The following ZSWIM6 variants were observed in gnomAD, a reference collection of about 807,000 sequenced individuals.
The protein encoded by ZSWIM6 is zinc finger SWIM-type containing 6, also known as zinc finger SWIM domain-containing protein 6.
A neutral mutation model predicts 113.2 loss-of-function variants in ZSWIM6; 9 were observed. That is an observed-to-expected ratio of 0.08 (90% CI 0.05 to 0.14). ZSWIM6 has a LOEUF of 0.14. ZSWIM6 is among the 10% of genes least tolerant of loss of function. The pLI is 1.00. For synonymous variants in ZSWIM6, 611 were observed against 606.5 expected (o/e 1.01, Z -0.11); for missense variants, 1,162 against 1,552.2 (o/e 0.75, Z 4.22).
In ZSWIM6 at chr5:61,375,419, G is replaced by A. The variant is rs1450611071; in HGVS notation, c.676+42471G>A. 2.7e-6 allele frequency: 4 copies of A among 1,508,826 alleles called. No individual in the cohort carries two copies. In the African/African-American group the frequency reaches 4.1e-5, roughly 16 times the overall value. The allele number at this position is 1,508,826 out of a possible 1,614,324, so 93.5% of individuals were successfully genotyped here. A position where few individuals can be genotyped will look rare whatever the true frequency, so the allele number is the denominator to read the frequency against. ...AAAAAAGAAAAGAAGAAATCTGGTA[G>A]GTATTCATCTTCTTCTTCATCAAGC... On this transcript the variant is annotated intron_variant, in intron 1 of 13. Coordinates refer to ENST00000252744, the MANE Select transcript of ZSWIM6 (RefSeq NM_020928.2).
At chr5:61,479,847 G>A (rs1243906236) in intron 2 of ZSWIM6, among the ~76,000 whole-genome samples, 2 of 152,084 alleles carry the variant, frequency 1.3e-5, no homozygotes, top group Admixed American at 1.3e-4. Flanking sequence ...CATCATCATT[G>A]TGATGTGGCA....
chr5:61,428,315 G>A (rs563103683), intron 1 of ZSWIM6, among the ~76,000 whole-genome samples: 17 of 152,220 alleles, frequency 1.1e-4, no homozygotes, highest in South Asian at 4.1e-4. Context: ...ACTGAAGTCC[G>A]TGCTCTAGTA....
intron 1 of ZSWIM6, among the ~76,000 whole-genome samples, chr5:61,339,743 C>A (rs2112024865): frequency 6.6e-6 from 1 of 152,320 alleles, no homozygotes; most frequent in East Asian, 1.9e-4. Context: ...ATGAAACCCA[C>A]AAAACCGTTT....
chr5:61,348,945 CA>C (rs1299179773), intron 1 of ZSWIM6, among the ~76,000 whole-genome samples: 2 of 152,132 alleles, frequency 1.3e-5, no homozygotes, highest in African/African-American at 4.8e-5. Flanking sequence ...AATTTGAGAA[CA>C]CAGCTGTGGA....
intron 1 of ZSWIM6, chr5:61,390,829 A>G: frequency 4.9e-6 from 4 of 808,718 alleles, no homozygotes; most frequent in South Asian, 2.7e-5. Context: ...GGCACTGGCA[A>G]GGACTTGTGA....
intron 5 of ZSWIM6, among the ~76,000 whole-genome samples, chr5:61,522,764 A>G (rs1237952114): frequency 1.3e-5 from 2 of 152,218 alleles, no homozygotes; most frequent in East Asian, 3.8e-4. Context: ...TAATTGTTCA[A>G]CATTTATTCT....
intron 1 of ZSWIM6, among the ~76,000 whole-genome samples, chr5:61,342,529 G>A (rs1465283176): frequency 6.6e-6 from 1 of 152,276 alleles, no homozygotes; most frequent in Non-Finnish European, 1.5e-5. Context: ...GACACATGCA[G>A]CCTCTTTGGT....
intron 1 of ZSWIM6, among the ~76,000 whole-genome samples, chr5:61,389,215 T>G (rs1370684073): frequency 1.3e-5 from 2 of 152,140 alleles, no homozygotes; most frequent in Non-Finnish European, 2.9e-5. Context: ...GTACCACATT[T>G]GTATCCTGAA....
In ZSWIM6 at chr5:61,501,226, C is replaced by T. The variant is rs151322924; in HGVS notation, c.1333+6816C>T. Among the ~76,000 whole-genome samples the T allele has an allele frequency of 1.0e-3, 156 of 152,290 alleles. 3 individuals carry two copies. The East Asian group carries it at 0.026, about 25-fold the overall frequency. ...TTCTTGGGTCATAGACCTCGGAGTTCTGCCCTGCTGTGGGGGTGGAAAAGA... is the reference window on the plus strand; with the variant it reads ...TTCTTGGGTCATAGACCTCGGAGTTTTGCCCTGCTGTGGGGGTGGAAAAGA... On this transcript the variant is annotated intron_variant, in intron 4 of 13. Coordinates refer to ENST00000252744, the MANE Select transcript of ZSWIM6 (RefSeq NM_020928.2).
At chr5:61,535,185 C>T (rs1038168494) in intron 9 of ZSWIM6, among the ~76,000 whole-genome samples, 7 of 152,136 alleles carry the variant, frequency 4.6e-5, no homozygotes, top group African/African-American at 9.7e-5. Flanking sequence ...CAAGGTTTTA[C>T]GCTATAGAGG....
chr5:61,415,160 G>A (rs1746221377), intron 1 of ZSWIM6, among the ~76,000 whole-genome samples: 2 of 152,338 alleles, frequency 1.3e-5, no homozygotes, highest in African/African-American at 4.8e-5. Flanking sequence ...TTTCGGGAAT[G>A]TGGTGGAGTT....
At chr5:61,457,428 G>T (rs1425314955) in intron 1 of ZSWIM6, among the ~76,000 whole-genome samples, 1 of 151,962 alleles carries the variant, frequency 6.6e-6, no homozygotes, top group Admixed American at 6.6e-5. Flanking sequence ...TTCCTTGACT[G>T]TATATCCAAT....
chr5:61,465,505 TGA>T (rs1332253398), intron 1 of ZSWIM6, among the ~76,000 whole-genome samples: 2 of 151,948 alleles, frequency 1.3e-5, no homozygotes, highest in Non-Finnish European at 2.9e-5. Flanking sequence ...AATTAGTGGA[TGA>T]GAGTCTTATT....
In ZSWIM6 at chr5:61,458,510, G is replaced by A. The variant is rs985418661; in HGVS notation, c.677-14171G>A. Among the ~76,000 whole-genome samples, 15 of 152,224 alleles carry A rather than the reference G, an allele frequency of 9.9e-5. No individual in the cohort carries two copies. In the South Asian group the frequency reaches 1.5e-3, roughly 15 times the overall value. Reference sequence around the variant, plus strand: ...TTTTTCAGATTCTCTAGTGATCTACGCTCCCTCCCAACCTTCTGAAAAAGA... The same window carrying A: ...TTTTTCAGATTCTCTAGTGATCTACACTCCCTCCCAACCTTCTGAAAAAGA... On this transcript the variant is annotated intron_variant, in intron 1 of 13. Transcript: ENST00000252744.
At chr5:61,403,728 T>C (rs1745985677) in intron 1 of ZSWIM6, among the ~76,000 whole-genome samples, 1 of 152,234 alleles carries the variant, frequency 6.6e-6, no homozygotes, top group Non-Finnish European at 1.5e-5. Context: ...ATGCTTAGAC[T>C]CTGCGTGTGA....
intron 1 of ZSWIM6, among the ~76,000 whole-genome samples, chr5:61,344,568 G>C (rs1404380826): frequency 6.6e-6 from 1 of 152,200 alleles, no homozygotes; most frequent in African/African-American, 2.4e-5. Flanking sequence ...AAAGGAGTGT[G>C]TGGTAGAAAA....
chr5:61,447,099 T>G (rs1186218106), intron 1 of ZSWIM6, among the ~76,000 whole-genome samples: 1 of 152,140 alleles, frequency 6.6e-6, no homozygotes, highest in Admixed American at 6.5e-5. Flanking sequence ...AAGAACATCA[T>G]GTACTAAGCA....
At chr5:61,522,040 C>T (rs2112262336) in intron 5 of ZSWIM6, among the ~76,000 whole-genome samples, 1 of 151,836 alleles carries the variant, frequency 6.6e-6, no homozygotes, top group Non-Finnish European at 1.5e-5. Flanking sequence ...AGAAATGCTC[C>T]CAGACATTTC....
chr5:61,512,490 G>A (rs1431569744), intron 4 of ZSWIM6, among the ~76,000 whole-genome samples: 1 of 152,084 alleles, frequency 6.6e-6, no homozygotes, highest in East Asian at 1.9e-4. Flanking sequence ...CTAAGAGTGG[G>A]ATTGCTGGGT....
Sources: allele counts gnomAD v4.1 joint callset (sites outside exome capture counted in the v4.1 genomes callset), GRCh38; gene constraint gnomAD v4.1.1; transcripts MANE v1.5; gene names NCBI Gene and HGNC (gene_info 2026-07-23, HGNC 2026-07-21).